CHN2: variants seen among roughly 807,000 people sequenced by gnomAD.
CHN2 encodes beta-chimaerin.
Under a neutral mutation model 56.3 loss-of-function variants are expected in CHN2, and 35 were observed. That is an observed-to-expected ratio of 0.62 (90% confidence interval 0.47 to 0.82). The LOEUF is 0.82. CHN2 is among the 40% of genes least tolerant of loss of function. The pLI, the probability that CHN2 is intolerant of heterozygous loss-of-function variation, is 0.00. For missense variants in CHN2, 491 were observed against 580.5 expected, an observed-to-expected ratio of 0.85 and a Z score of 1.58; for synonymous variants, 210 against 212.8, an observed-to-expected ratio of 0.99 and a Z score of 0.12.
At chr7:29,493,352 T>G (rs899233586) in intron 7 of CHN2, among the ~76,000 whole-genome samples, 2 of 152,160 alleles carry the variant, frequency 1.3e-5, no homozygotes, top group African/African-American at 2.4e-5. Context: ...AAGGATGCTT[T>G]TCTCAGAATG....
intron 2 of CHN2, among the ~76,000 whole-genome samples, chr7:29,364,427 AC>A (rs1289774309): frequency 6.6e-6 from 1 of 152,160 alleles, no homozygotes; most frequent in African/African-American, 2.4e-5. Context: ...ACCATATATC[AC>A]TGTTGGCTTC....
intron 3 of CHN2, among the ~76,000 whole-genome samples, chr7:29,386,179 G>C (rs1800900156): frequency 6.6e-6 from 1 of 152,270 alleles, no homozygotes; most frequent in Non-Finnish European, 1.5e-5. Flanking sequence ...TTCATTCTAT[G>C]CTCTGCACTT....
intron 1 of CHN2, among the ~76,000 whole-genome samples, chr7:29,239,060 G>C: frequency 6.6e-6 from 1 of 152,144 alleles, no homozygotes; most frequent in African/African-American, 2.4e-5. Context: ...ATTTTCATAT[G>C]ATCGGTCTGG....
chr7:29,183,577 A>G (rs888269162), intron 2 of CHN2, among the ~76,000 whole-genome samples: 5 of 151,602 alleles, frequency 3.3e-5, no homozygotes, highest in African/African-American at 1.2e-4. Flanking sequence ...GGGTTTCACC[A>G]TGTTGGCCAG....
chr7:29,159,533 T>C lies in CHN2; in HGVS notation c.274+12573T>C, dbSNP rs73304191. 7.0e-3 allele frequency among the ~76,000 whole-genome samples: 1,067 copies of C among 152,290 alleles called. 19 individuals are homozygous for C. The highest frequency in any genetic ancestry group is 0.024 in the African/African-American group (1,014 of 41,562). On this transcript the variant is annotated intron_variant, in intron 2 of 6. Coordinates refer to the CHN2 transcript ENST00000439384. ...ATCATGTAACATGTATGTGTTATCA[T>C]TGTAGTTCTCCTATGTAGAGTGATG...
chr7:29,374,322 C>T (rs1799854563), intron 3 of CHN2, among the ~76,000 whole-genome samples: 1 of 152,042 alleles, frequency 6.6e-6, no homozygotes, highest in Non-Finnish European at 1.5e-5. Flanking sequence ...AATCTAGTAA[C>T]ACCAATGTTA....
At chr7:29,276,678 T>G (rs1386439156) in intron 1 of CHN2, among the ~76,000 whole-genome samples, 3 of 152,230 alleles carry the variant, frequency 2.0e-5, no homozygotes, top group African/African-American at 7.2e-5. Flanking sequence ...GCCGTCATCA[T>G]TAGCATTATA....
intron 1 of CHN2, among the ~76,000 whole-genome samples, chr7:29,210,780 T>A (rs1784855193): frequency 1.3e-5 from 2 of 152,126 alleles, no homozygotes; most frequent in Middle Eastern, 3.4e-3. Context: ...AGGTGACACT[T>A]GATGGTGAGG....
chr7:29,212,111 A>C (rs147878196), intron 1 of CHN2, among the ~76,000 whole-genome samples: 2,355 of 152,318 alleles, frequency 0.015, 25 homozygotes, highest in South Asian at 0.025. Flanking sequence ...TTTTAAAAAA[A>C]GAATGCTGGG....
intron 6 of CHN2, among the ~76,000 whole-genome samples, chr7:29,409,675 A>G (rs1803013822): frequency 6.6e-6 from 1 of 152,250 alleles, no homozygotes; most frequent in African/African-American, 2.4e-5. Context: ...CTAGACCACA[A>G]TTCAACAAGT....
At chr7:29,450,571 A>T (rs973681001) in intron 6 of CHN2, among the ~76,000 whole-genome samples, 5 of 152,186 alleles carry the variant, frequency 3.3e-5, no homozygotes, top group Admixed American at 2.6e-4. Flanking sequence ...GGAGGCCTGG[A>T]ACAGATTCTC....
chr7:29,454,942 C>A (rs1784643566), intron 6 of CHN2, among the ~76,000 whole-genome samples: 1 of 151,240 alleles, frequency 6.6e-6, no homozygotes, highest in African/African-American at 2.5e-5. Context: ...ATATTGTAAA[C>A]AACCCCTTAA....
At chr7:29,354,593 A>T in intron 1 of CHN2, 32 bp from the exon 2 acceptor site, 1 of 1,585,426 alleles carries the variant, frequency 6.3e-7, no homozygotes, top group Non-Finnish European at 8.6e-7. Flanking sequence ...GTTCAGGCTG[A>T]TGATGGATTT....
intron 1 of CHN2, among the ~76,000 whole-genome samples, chr7:29,324,374 A>G (rs1044512505): frequency 4.6e-5 from 7 of 152,222 alleles, no homozygotes; most frequent in Admixed American, 6.5e-5. Context: ...GAGACCTTTT[A>G]TCATTTAAAC....
At chr7:29,364,705 C>T (rs1799007962) in intron 2 of CHN2, among the ~76,000 whole-genome samples, 1 of 152,228 alleles carries the variant, frequency 6.6e-6, no homozygotes, top group Non-Finnish European at 1.5e-5. Context: ...AACTCTTCCT[C>T]ACGTATTAAA....
At chr7:29,188,930 A>G (rs1008668976) in intron 2 of CHN2, among the ~76,000 whole-genome samples, 1 of 149,868 alleles carries the variant, frequency 6.7e-6, no homozygotes, top group Non-Finnish European at 1.5e-5. Context: ...CACAGCAAGG[A>G]TATAGTTTTC....
chr7:29,252,677 G>A (rs1295415202), intron 1 of CHN2, among the ~76,000 whole-genome samples: 2 of 98,922 alleles, frequency 2.0e-5, no homozygotes, highest in South Asian at 6.2e-4. Context: ...CTCACTGCAA[G>A]CTCCGCTTCC....
chr7:29,451,880 T>G (rs1007175822), intron 6 of CHN2, among the ~76,000 whole-genome samples: 1 of 152,192 alleles, frequency 6.6e-6, no homozygotes, highest in African/African-American at 2.4e-5. Context: ...GCCACTGATG[T>G]GACATCTCAT....
chr7:29,443,899 C>T (rs1381358613), intron 6 of CHN2, among the ~76,000 whole-genome samples: 2 of 152,142 alleles, frequency 1.3e-5, no homozygotes, highest in African/African-American at 2.4e-5. Context: ...TAGACAAGAA[C>T]TTGTTAGAAC....
Sources: allele counts gnomAD v4.1 joint callset (sites outside exome capture counted in the v4.1 genomes callset), GRCh38; gene constraint gnomAD v4.1.1; transcripts MANE v1.5; gene names NCBI Gene and HGNC (gene_info 2026-07-23, HGNC 2026-07-21).